KCND2: variants seen among roughly 807,000 people sequenced by gnomAD.
KCND2 encodes the protein A-type voltage-gated potassium channel KCND2.
Under a neutral mutation model 54.4 loss-of-function variants are expected in KCND2, and 16 were observed. The ratio of observed to expected loss-of-function variants is 0.29; its 90% CI spans 0.20 to 0.45. KCND2 has a LOEUF of 0.45. Ranked by LOEUF, KCND2 falls within the 20% of genes least tolerant of loss-of-function variation. The pLI is 1.00. For missense variants in KCND2, 486 were observed against 824.2 expected, an observed-to-expected ratio of 0.59 and a Z score of 5.02; for synonymous variants, 317 against 310.7, an observed-to-expected ratio of 1.02 and a Z score of -0.21.
chr7:120,392,603 C>G (rs542303110), intron 1 of KCND2, among the ~76,000 whole-genome samples: 8 of 151,808 alleles, frequency 5.3e-5, no homozygotes, highest in Admixed American at 1.3e-4. Context: ...CTTATATTTA[C>G]TTTTTCTCTA....
chr7:120,387,919 A>T (rs568385267), intron 1 of KCND2, among the ~76,000 whole-genome samples: 1 of 152,074 alleles, frequency 6.6e-6, no homozygotes, highest in African/African-American at 2.4e-5. Flanking sequence ...ACAAATCAAC[A>T]TAAATTTATA....
In KCND2 at chr7:120,274,644, G is replaced by A. The variant is rs774091054; in HGVS notation, c.12G>A (p.Gly4=). 1.2e-6 allele frequency: 2 copies of A among 1,614,076 alleles called. No individual in the cohort carries two copies. The highest frequency in any genetic ancestry group is 2.2e-5 in the East Asian group (1 of 44,844). MAA[G]VAAWLPFARA... ...CGCTTCAAGTAATCATGGCGGCGGG[G>A]GTGGCAGCGTGGCTGCCTTTTGCAA... The change falls in exon 1 of 6, where the codon GGG becomes GGA. Residue 4 remains glycine (G), a synonymous_variant. Coordinates refer to ENST00000331113, the MANE Select transcript of KCND2 (RefSeq NM_012281.3).
Position 120,274,450 on chromosome 7 carries a change from G to A in KCND2, c.-183G>A, listed in dbSNP as rs577748702. On this transcript the variant is annotated 5_prime_UTR_variant, in exon 1 of 6. Coordinates refer to ENST00000331113, the MANE Select transcript of KCND2 (RefSeq NM_012281.3). The stretch of plus-strand genomic sequence containing the variant: ...ATTATTCCAAATACCTGTCTTGGAG[G>A]GAAAGTTGCCCTTCTGAGAACTGTG... The A allele has an allele frequency of 2.8e-6, 2 of 706,994 alleles. No homozygotes were observed. Among genetic ancestry groups the A allele is most frequent in the African/African-American group, 3.5e-5 (2 of 56,420 alleles). 43.8% of individuals were successfully genotyped at this position (706,994 alleles called of 1,614,324 possible). A position where few individuals can be genotyped will look rare whatever the true frequency, so the allele number is the denominator to read the frequency against.
chr7:120,477,020 C>G (rs575268383), intron 1 of KCND2, among the ~76,000 whole-genome samples: 1 of 152,282 alleles, frequency 6.6e-6, no homozygotes, highest in South Asian at 2.1e-4. Context: ...TTCTGCAACA[C>G]CAGTGTATTT....
At chr7:120,333,977 A>G (rs1057320482) in intron 1 of KCND2, among the ~76,000 whole-genome samples, 2 of 152,214 alleles carry the variant, frequency 1.3e-5, no homozygotes, top group African/African-American at 4.8e-5. Flanking sequence ...TTTTCTGTGA[A>G]TAAATTATAA....
At chr7:120,529,465 A>G (rs1211853773) in intron 1 of KCND2, among the ~76,000 whole-genome samples, 1 of 152,094 alleles carries the variant, frequency 6.6e-6, no homozygotes, top group African/African-American at 2.4e-5. Context: ...GCTAAATTTC[A>G]ACTATGTCAG....
intron 1 of KCND2, among the ~76,000 whole-genome samples, chr7:120,476,758 T>C (rs1802539856): frequency 6.6e-6 from 1 of 152,192 alleles, no homozygotes; most frequent in Admixed American, 6.5e-5. Context: ...AAGAGATTTG[T>C]GTTGACTCAT....
intron 1 of KCND2, among the ~76,000 whole-genome samples, chr7:120,560,822 T>G (rs1380977537): frequency 1.3e-5 from 2 of 152,188 alleles, no homozygotes; most frequent in African/African-American, 2.4e-5. Context: ...TCATAAATGT[T>G]AAAAGATTAT....
At chr7:120,470,120 A>G (rs915450640) in intron 1 of KCND2, among the ~76,000 whole-genome samples, 3 of 152,122 alleles carry the variant, frequency 2.0e-5, no homozygotes, top group Non-Finnish European at 2.9e-5. Flanking sequence ...CAAGAAGATT[A>G]ATATTTATTC....
At chr7:120,309,934 C>T (rs1006262417) in intron 1 of KCND2, among the ~76,000 whole-genome samples, 1 of 152,146 alleles carries the variant, frequency 6.6e-6, no homozygotes, top group Admixed American at 6.5e-5. Context: ...ACACACTGTT[C>T]CTTCTAGCTT....
intron 1 of KCND2, among the ~76,000 whole-genome samples, chr7:120,399,082 G>T (rs771982854): frequency 1.3e-5 from 2 of 151,676 alleles, no homozygotes; most frequent in Non-Finnish European, 2.9e-5. Context: ...ATTATAATAC[G>T]TATGTCTTTG....
chr7:120,583,525 T>A (rs1792546849), intron 1 of KCND2, among the ~76,000 whole-genome samples: 1 of 152,080 alleles, frequency 6.6e-6, no homozygotes, highest in South Asian at 2.1e-4. Context: ...GAAATTGAGA[T>A]CAAGGTGTCA....
At chr7:120,408,806 T>C (rs1023582040) in intron 1 of KCND2, among the ~76,000 whole-genome samples, 2 of 151,932 alleles carry the variant, frequency 1.3e-5, no homozygotes, top group Non-Finnish European at 2.9e-5. Flanking sequence ...TATATAGATT[T>C]GTTTCTTCAA....
intron 1 of KCND2, among the ~76,000 whole-genome samples, chr7:120,473,763 A>T (rs868238751): frequency 6.6e-6 from 1 of 152,294 alleles, no homozygotes; most frequent in South Asian, 2.1e-4. Flanking sequence ...AGTGTACAGG[A>T]TTATTCAACT....
At chr7:120,289,825 T>G (rs1170649316) in intron 1 of KCND2, among the ~76,000 whole-genome samples, 1 of 152,102 alleles carries the variant, frequency 6.6e-6, no homozygotes, top group African/African-American at 2.4e-5. Context: ...ATCCAACATC[T>G]ATTTTAATTG....
intron 1 of KCND2, among the ~76,000 whole-genome samples, chr7:120,567,525 A>C (rs1216436510): frequency 6.6e-6 from 1 of 152,144 alleles, no homozygotes; most frequent in Non-Finnish European, 1.5e-5. Context: ...AATGTGGTAA[A>C]GTACTTCCAG....
chr7:120,484,456 C>G (rs945567700), intron 1 of KCND2, among the ~76,000 whole-genome samples: 3 of 151,162 alleles, frequency 2.0e-5, no homozygotes, highest in African/African-American at 4.9e-5. Context: ...TTCCTGGCCT[C>G]TGATTTATTA....
chr7:120,332,137 C>A (rs1800078668), intron 1 of KCND2, among the ~76,000 whole-genome samples: 1 of 152,110 alleles, frequency 6.6e-6, no homozygotes, highest in Non-Finnish European at 1.5e-5. Flanking sequence ...ATCTCCAATA[C>A]CTATTACAAT....
At chr7:120,358,073 T>G (rs1800533106) in intron 1 of KCND2, among the ~76,000 whole-genome samples, 1 of 152,100 alleles carries the variant, frequency 6.6e-6, no homozygotes, top group Non-Finnish European at 1.5e-5. Flanking sequence ...GATAACATGC[T>G]GGAACAAAAG....
Sources: gnomAD v4.1 joint callset for allele counts (sites outside exome capture counted in the v4.1 genomes callset) on GRCh38, gnomAD v4.1.1 for gene constraint, MANE v1.5 for transcripts, NCBI Gene and HGNC (gene_info 2026-07-23, HGNC 2026-07-21) for gene names.